FRMPD1: variants seen among roughly 807,000 people sequenced by gnomAD.
FRMPD1 encodes FERM and PDZ domain containing 1.
Under a neutral mutation model 117.8 loss-of-function variants are expected in FRMPD1, and 76 were observed. That is an observed-to-expected ratio of 0.65 (90% CI 0.54 to 0.78). The LOEUF is 0.78. Among genes scored for constraint, FRMPD1 ranks in the 30% least tolerant of loss-of-function variants. The pLI, the probability that FRMPD1 is intolerant of heterozygous loss-of-function variation, is 0.00. For missense variants in FRMPD1, 1,786 were observed against 1,964.5 expected (o/e 0.91, Z 1.72); for synonymous variants, 783 against 770.4 (o/e 1.02, Z -0.27).
chr9:37,663,983 A>C (rs140781828), intron 1 of FRMPD1, among the ~76,000 whole-genome samples: 36 of 152,324 alleles, frequency 2.4e-4, no homozygotes, highest in African/African-American at 8.7e-4. Flanking sequence ...GGTTGAATCC[A>C]CGGATGCAGA....
chr9:37,706,270 T>C (rs1252184773), intron 2 of FRMPD1, among the ~76,000 whole-genome samples: 1 of 152,168 alleles, frequency 6.6e-6, no homozygotes, highest in African/African-American at 2.4e-5. Context: ...GTCACTTACA[T>C]TTTGGCTCTG....
chr9:37,701,395 G>C (rs1450323698), intron 2 of FRMPD1, among the ~76,000 whole-genome samples: 1 of 152,164 alleles, frequency 6.6e-6, no homozygotes, highest in African/African-American at 2.4e-5. Context: ...CATTTTGTAG[G>C]AGATATTTCC....
rs769214377 is a variant in FRMPD1 at position 37,724,240 on chromosome 9, T to C, written c.532T>C (p.Cys178Arg). The C allele has an allele frequency of 2.5e-6, 4 of 1,585,558 alleles. No individual in the cohort carries two copies. The highest frequency in any genetic ancestry group is 1.3e-5 in the African/African-American group (1 of 74,382). Residue 178 changes from cysteine (C) to arginine (R), a missense_variant, in exon 7 of 16, where the codon TGT (cysteine) becomes CGT (arginine). Transcript: ENST00000377765. ...SGHSQGNSLL[C>R]MPNVLKLYLE... ...TGTTTTCCAGGGTAATTCTCTGCTG[T>C]GTATGCCCAACGTGCTCAAGCTATA...
chr9:37,714,970 C>A (rs1204815278), intron 5 of FRMPD1, among the ~76,000 whole-genome samples: 2 of 152,058 alleles, frequency 1.3e-5, no homozygotes, highest in Admixed American at 6.6e-5. Context: ...AAAAACATTG[C>A]AAAATGATCA....
chr9:37,658,091 C>A (rs1820892718), intron 1 of FRMPD1, among the ~76,000 whole-genome samples: 1 of 152,132 alleles, frequency 6.6e-6, no homozygotes, highest in Non-Finnish European at 1.5e-5. Context: ...AGACAGGGAT[C>A]AGGCCCCCAC....
chr9:37,661,404 C>T (rs907475097), intron 1 of FRMPD1, among the ~76,000 whole-genome samples: 1 of 152,082 alleles, frequency 6.6e-6, no homozygotes, highest in African/African-American at 2.4e-5. Context: ...ATATAATGAC[C>T]CCTGTTTTCC....
intron 13 of FRMPD1, among the ~76,000 whole-genome samples, chr9:37,736,082 G>T (rs1274374085): frequency 6.6e-6 from 1 of 150,810 alleles, no homozygotes; most frequent in Non-Finnish European, 1.5e-5. Context: ...CTCACTGCAA[G>T]CTCCGCCTCG....
the FRMPD1 span, among the ~76,000 whole-genome samples, chr9:37,616,953 C>CT: frequency 6.6e-6 from 1 of 152,230 alleles, no homozygotes; most frequent in Non-Finnish European, 1.5e-5. Context: ...ACTCAGAAGT[C>CT]TTTTCCTCTA....
Position 37,739,947 on chromosome 9 carries a change from C to G in FRMPD1, c.1550-131C>G, listed in dbSNP as rs552344397. On this transcript the variant is annotated intron_variant, in intron 14 of 15. Coordinates refer to ENST00000377765, the MANE Select transcript of FRMPD1 (RefSeq NM_014907.3). ...GGATCCCGTGTTCGTCAGTATAGGA[C>G]GGTCTTAGGCCAGCCACCCTCTGGC... The G allele has an allele frequency of 2.3e-4, 158 of 690,710 alleles. No individual in the cohort carries two copies. The East Asian group carries it at 3.6e-3, about 16-fold the overall frequency. 42.8% of individuals were successfully genotyped at this position (690,710 alleles called of 1,614,324 possible).
chr9:37,681,019 G>T (rs2117926416), intron 1 of FRMPD1, among the ~76,000 whole-genome samples: 1 of 152,030 alleles, frequency 6.6e-6, no homozygotes, highest in Admixed American at 6.5e-5. Flanking sequence ...AGACCAGCTG[G>T]GGCAACATAG....
intron 1 of FRMPD1, among the ~76,000 whole-genome samples, chr9:37,673,492 A>G (rs1821424916): frequency 6.6e-6 from 1 of 152,088 alleles, no homozygotes; most frequent in African/African-American, 2.4e-5. Flanking sequence ...TGGTGGATCT[A>G]CCATTCTGGG....
At position 37,744,624 on chromosome 9, in the gene FRMPD1, C is replaced by T. The variant is rs140697945; in HGVS notation, c.2592C>T (p.Asp864=). 3.0e-5 allele frequency: 48 copies of T among 1,613,454 alleles called. No individual in the cohort carries two copies. The highest frequency in any genetic ancestry group is 2.7e-4 in the African/African-American group (20 of 74,852). The stretch of plus-strand genomic sequence containing the variant: ...CATCAGCCTCCCTGGAGAGTGTAGA[C>T]GACGTGTGCTACTATGACAGGGAGC... The part of the protein sequence containing the change: ...LVPSASLESV[D]DVCYYDREPY... Residue 864 remains aspartate, a synonymous_variant, in exon 16 of 16, where the codon GAC becomes GAT. Transcript: ENST00000377765.
the FRMPD1 span, among the ~76,000 whole-genome samples, chr9:37,631,710 C>T: frequency 1.8e-3 from 276 of 152,268 alleles, 1 homozygote; most frequent in Non-Finnish European, 3.2e-3. Context: ...CTCAAGCAAT[C>T]CTCCTGCCTT....
At chr9:37,610,594 T>C in the FRMPD1 span, among the ~76,000 whole-genome samples, 1 of 114,248 alleles carries the variant, frequency 8.8e-6, no homozygotes, top group South Asian at 4.0e-4. Flanking sequence ...ACTATCACAT[T>C]CTTTTTTTTT....
At chr9:37,617,554 C>T in the FRMPD1 span, among the ~76,000 whole-genome samples, 28 of 152,342 alleles carry the variant, frequency 1.8e-4, no homozygotes, top group African/African-American at 6.7e-4. Flanking sequence ...AGTAAATGCT[C>T]AGTAAAATTA....
chr9:37,708,404 T>G lies in FRMPD1; in HGVS notation c.265T>G (p.Ser89Ala), dbSNP rs1274478954. The G allele has an allele frequency of 1.9e-6, 3 of 1,604,368 alleles. No individual in the cohort carries two copies. The East Asian group carries it at 6.7e-5, about 36-fold the overall frequency. The change falls in exon 4 of 16, where the codon TCT (serine) becomes GCT (alanine). Residue 89 changes from serine (S) to alanine (A), a missense_variant. Ser to Ala is a moderately conservative substitution (Grantham distance 99). Transcript: ENST00000377765. ...LTVVAVTAGG[S>A]AHGKLFPGDQ... The stretch of plus-strand genomic sequence containing the variant: ...ACTTATTTTCTGTCCAACAGGAGGC[T>G]CTGCTCACGGCAAGCTTTTCCCTGG...
At chr9:37,656,830 G>C (rs573652524) in intron 1 of FRMPD1, among the ~76,000 whole-genome samples, 3 of 152,070 alleles carry the variant, frequency 2.0e-5, no homozygotes, top group East Asian at 1.9e-4. Context: ...CTGATGTTTA[G>C]AGACCTTTTT....
chr9:37,705,709 G>A (rs139435712), intron 2 of FRMPD1, among the ~76,000 whole-genome samples: 3,677 of 152,172 alleles, frequency 0.024, 61 homozygotes, highest in Middle Eastern at 0.037. Flanking sequence ...TGGGTGCGGT[G>A]GCTCCTGCCT....
chr9:37,739,707 C>G (rs1054607348), intron 14 of FRMPD1, among the ~76,000 whole-genome samples: 3 of 152,186 alleles, frequency 2.0e-5, no homozygotes, highest in Admixed American at 6.5e-5. Context: ...CTGACTTTGA[C>G]GCCCAGGCAG....
Sources: allele counts gnomAD v4.1 joint callset (sites outside exome capture counted in the v4.1 genomes callset), GRCh38; gene constraint gnomAD v4.1.1; transcripts MANE v1.5; gene names NCBI Gene and HGNC (gene_info 2026-07-23, HGNC 2026-07-21).